The following HCN1 variants were observed in gnomAD, a reference collection of about 807,000 sequenced individuals.
HCN1 encodes the protein potassium/sodium hyperpolarization-activated cyclic nucleotide-gated channel 1.
A neutral mutation model predicts 78.9 loss-of-function variants in HCN1; 13 were observed. The ratio of observed to expected loss-of-function variants is 0.16; its 90% CI spans 0.11 to 0.26. HCN1 has a LOEUF of 0.26. Among genes scored for constraint, HCN1 ranks in the 10% least tolerant of loss-of-function variants. The pLI, the probability that HCN1 is intolerant of heterozygous loss-of-function variation, is 1.00. For missense variants in HCN1, 810 were observed against 1,154.3 expected (o/e 0.70, Z 4.32); for synonymous variants, 552 against 455.5 (o/e 1.21, Z -2.70).
At chr5:45,470,895 G>A (rs1049127538) in intron 2 of HCN1, among the ~76,000 whole-genome samples, 5 of 151,766 alleles carry the variant, frequency 3.3e-5, no homozygotes, top group Non-Finnish European at 7.4e-5. Flanking sequence ...AGACCTACTG[G>A]AGAGCTATCA....
intron 4 of HCN1, among the ~76,000 whole-genome samples, chr5:45,373,850 G>A (rs1365233358): frequency 6.5e-5 from 8 of 123,774 alleles, no homozygotes; most frequent in East Asian, 2.3e-4. Context: ...TATTACATAC[G>A]GTATATACGT....
chr5:45,544,965 G>A (rs1320523465), intron 2 of HCN1, among the ~76,000 whole-genome samples: 1 of 152,108 alleles, frequency 6.6e-6, no homozygotes, highest in African/African-American at 2.4e-5. Flanking sequence ...GTATATACCA[G>A]TAATGGGATG....
intron 2 of HCN1, among the ~76,000 whole-genome samples, chr5:45,477,862 T>G (rs2111667049): frequency 6.6e-6 from 1 of 152,316 alleles, no homozygotes; most frequent in South Asian, 2.1e-4. Flanking sequence ...TGAATGGTTT[T>G]TAATGAGATA....
At chr5:45,393,452 GC>G (rs1447683108) in intron 4 of HCN1, among the ~76,000 whole-genome samples, 1 of 152,078 alleles carries the variant, frequency 6.6e-6, no homozygotes, top group Non-Finnish European at 1.5e-5. Context: ...TAGATGAAGT[GC>G]AATTATATCT....
intron 2 of HCN1, among the ~76,000 whole-genome samples, chr5:45,491,684 C>T (rs1483288421): frequency 6.6e-6 from 1 of 152,030 alleles, no homozygotes; most frequent in East Asian, 1.9e-4. Context: ...AGTTGAATAA[C>T]GTAATTCCAA....
At position 45,605,402 on chromosome 5, in the gene HCN1, G is replaced by C. The variant is rs542307745; in HGVS notation, c.849+39783C>G. ...CATTGTTTCTAATAGCAATGAATTA[G>C]AGTCAATCTAAATGCCAATAAGTTA... On this transcript the variant is annotated intron_variant, in intron 2 of 7. Coordinates refer to ENST00000303230, the MANE Select transcript of HCN1 (RefSeq NM_021072.4). Among the ~76,000 whole-genome samples, 186 of 151,976 alleles carry C rather than the reference G, an allele frequency of 1.2e-3. 1 individual carries two copies. The highest frequency in any genetic ancestry group is 4.4e-3 in the African/African-American group (181 of 41,502).
chr5:45,687,024 T>A (rs1227950114), intron 1 of HCN1, among the ~76,000 whole-genome samples: 1 of 152,218 alleles, frequency 6.6e-6, no homozygotes, highest in African/African-American at 2.4e-5. Flanking sequence ...TTTCTGAATA[T>A]CTTTATTTAA....
At chr5:45,603,081 A>G (rs567112229) in intron 2 of HCN1, among the ~76,000 whole-genome samples, 1 of 152,242 alleles carries the variant, frequency 6.6e-6, no homozygotes, top group East Asian at 1.9e-4. Flanking sequence ...TATAAGTGGC[A>G]TATTGTTCCC....
chr5:45,306,028 C>CAAAT (rs1357926918), intron 5 of HCN1, among the ~76,000 whole-genome samples: 1 of 151,820 alleles, frequency 6.6e-6, no homozygotes, highest in African/African-American at 2.4e-5. Context: ...TTTACTATTT[C>CAAAT]AAATATTTCT....
intron 2 of HCN1, among the ~76,000 whole-genome samples, chr5:45,567,368 C>A (rs1274322545): frequency 6.6e-6 from 1 of 151,988 alleles, no homozygotes; most frequent in Non-Finnish European, 1.5e-5. Context: ...AGGAAACAAG[C>A]AACTTTCTTA....
intron 1 of HCN1, among the ~76,000 whole-genome samples, chr5:45,658,523 T>C (rs1745833822): frequency 6.6e-6 from 1 of 152,166 alleles, no homozygotes; most frequent in South Asian, 2.1e-4. Flanking sequence ...GGGTGATTTC[T>C]GCATTTCCAT....
At chr5:45,326,756 TATGC>T (rs1315783659) in intron 5 of HCN1, among the ~76,000 whole-genome samples, 2 of 151,626 alleles carry the variant, frequency 1.3e-5, no homozygotes, top group African/African-American at 4.8e-5. Context: ...ACAGTTCTGG[TATGC>T]ATTTAATTTG....
At chr5:45,336,827 G>A (rs1383131065) in intron 5 of HCN1, among the ~76,000 whole-genome samples, 6 of 151,984 alleles carry the variant, frequency 3.9e-5, no homozygotes, top group Non-Finnish European at 5.9e-5. Context: ...TCCTCATATG[G>A]CAGAAGGGAT....
rs952054830 is a variant in HCN1 at position 45,547,169 on chromosome 5, A to T, written c.850-85162T>A. 2.0e-5 allele frequency among the ~76,000 whole-genome samples: 3 copies of T among 151,926 alleles called. No individual in the cohort carries two copies. The East Asian group carries it at 5.8e-4, about 29-fold the overall frequency. On this transcript the variant is annotated intron_variant, in intron 2 of 7. Transcript: ENST00000303230. ...ATCTAAATTGTTAATCTTTTAATAG[A>T]TCCTTCATGATATGTCTCCAACTAT...
At chr5:45,532,142 T>C (rs1399169797) in intron 2 of HCN1, among the ~76,000 whole-genome samples, 1 of 152,242 alleles carries the variant, frequency 6.6e-6, no homozygotes, top group East Asian at 1.9e-4. Flanking sequence ...TTTGTTCATA[T>C]GATTTTTAGC....
chr5:45,621,158 T>C (rs1221802577), intron 2 of HCN1, among the ~76,000 whole-genome samples: 1 of 152,182 alleles, frequency 6.6e-6, no homozygotes, highest in Non-Finnish European at 1.5e-5. Context: ...GTTTTCTCTA[T>C]AACTAGGAAA....
Position 45,461,828 on chromosome 5 carries a change from A to AG in HCN1, c.1011+17_1011+18insC, listed in dbSNP as rs1365166417. ...CAACGTTGAAAAGTCAGAGTGTAAA[A>AG]TAACAGAATTTACTTACAACCATTT... On this transcript the variant is annotated intron_variant, in intron 3 of 7. Transcript: ENST00000303230. The AG allele has an allele frequency of 6.2e-7, 1 of 1,608,536 alleles. No individual in the cohort carries two copies. The highest frequency in any genetic ancestry group is 1.3e-5 in the African/African-American group (1 of 74,774).
At chr5:45,375,863 ATCTTATAT>A (rs1747632771) in intron 4 of HCN1, among the ~76,000 whole-genome samples, 2 of 119,804 alleles carry the variant, frequency 1.7e-5, no homozygotes, top group Non-Finnish European at 3.2e-5. Context: ...TTTATGATAT[ATCTTATAT>A]ATATTTTATC....
At chr5:45,580,691 C>T (rs994294746) in intron 2 of HCN1, among the ~76,000 whole-genome samples, 4 of 152,046 alleles carry the variant, frequency 2.6e-5, no homozygotes, top group African/African-American at 7.2e-5. Flanking sequence ...CTCTCCCCTC[C>T]GCCCACCCCA....
Sources: allele counts gnomAD v4.1 joint callset (sites outside exome capture counted in the v4.1 genomes callset), GRCh38; gene constraint gnomAD v4.1.1; transcripts MANE v1.5; gene names NCBI Gene and HGNC (gene_info 2026-07-23, HGNC 2026-07-21).